The following TENM1 variants were observed in gnomAD, a reference collection of about 807,000 sequenced individuals.
TENM1 encodes teneurin-1.
TENM1 carries 35 observed loss-of-function variants against 174.8 expected under a neutral mutation model. That is an observed-to-expected ratio of 0.20 (90% CI 0.15 to 0.27). TENM1 has a LOEUF of 0.27. Ranked by LOEUF, TENM1 falls within the 10% of genes least tolerant of loss-of-function variation. The pLI is 1.00. For synonymous variants in TENM1, 781 were observed against 798.7 expected, an observed-to-expected ratio of 0.98 and a Z score of 0.37; for missense variants, 1,633 against 2,130.1, an observed-to-expected ratio of 0.77 and a Z score of 4.59.
In TENM1 at chrX:124,889,330, A is replaced by G. The variant is rs180742766; in HGVS notation, c.535+4966T>C. 4.9e-4 allele frequency among the ~76,000 whole-genome samples: 55 copies of G among 111,516 alleles called. No homozygotes were observed. The East Asian group carries it at 0.013, about 27-fold the overall frequency. On this transcript the variant is annotated intron_variant, in intron 3 of 31. Coordinates refer to ENST00000422452, the Ensembl canonical transcript of TENM1. ...GAGAAAATTATTCTGTCTCCTTGGA[A>G]TTTAGAAATGGCACTAAAAAAAATC...
At chrX:124,529,806 C>T in intron 16 of TENM1, 58 bp downstream of exon 19, 4 of 1,201,994 alleles carry the variant, frequency 3.3e-6, no homozygotes, top group Non-Finnish European at 4.5e-6. Flanking sequence ...CCTGGTTTTA[C>T]CCCTGGCTAG....
the TENM1 span, among the ~76,000 whole-genome samples, chrX:125,162,759 TAAGA>T: frequency 8.9e-6 from 1 of 111,826 alleles, no homozygotes; most frequent in South Asian, 3.7e-4. Flanking sequence ...ATTTTGAAGA[TAAGA>T]TGACTCCCAT....
At chrX:124,391,575 C>A (rs2060282673) in intron 28 of TENM1, among the ~76,000 whole-genome samples, 1 of 111,577 alleles carries the variant, frequency 9.0e-6, no homozygotes, top group African/African-American at 3.3e-5. Context: ...ACCACCATTC[C>A]CGCAGGCTGA....
At chrX:124,590,721 GGTAGA>G (rs2049714284) in intron 11 of TENM1, among the ~76,000 whole-genome samples, 1 of 111,784 alleles carries the variant, frequency 8.9e-6, no homozygotes, top group African/African-American at 3.2e-5. Context: ...GTTTTTGATG[GGTAGA>G]GTATTCTGTA....
the TENM1 span, among the ~76,000 whole-genome samples, chrX:125,148,294 CTTAAT>C: frequency 1.8e-5 from 2 of 110,638 alleles, no homozygotes; most frequent in African/African-American, 6.6e-5. Flanking sequence ...TTCTCCCTTT[CTTAAT>C]TTATCTCTCT....
chrX:124,583,581 G>A (rs2049394503), intron 11 of TENM1, among the ~76,000 whole-genome samples: 1 of 110,534 alleles, frequency 9.0e-6, no homozygotes, highest in South Asian at 3.9e-4. Flanking sequence ...CCACAAAGAT[G>A]GGGAAAAAAC....
chrX:124,975,789 C>T, the TENM1 span, among the ~76,000 whole-genome samples: 2 of 111,775 alleles, frequency 1.8e-5, no homozygotes, highest in South Asian at 3.7e-4. Flanking sequence ...CAATGATTGT[C>T]GGGACTTGTA....
intron 11 of TENM1, among the ~76,000 whole-genome samples, chrX:124,591,904 A>G (rs905906209): frequency 1.8e-5 from 2 of 112,084 alleles, no homozygotes; most frequent in African/African-American, 6.5e-5. Context: ...TTTCTCAAAT[A>G]CTTTGTTCAT....
chrX:124,576,454 A>G (rs2049168758), intron 11 of TENM1, among the ~76,000 whole-genome samples: 1 of 112,067 alleles, frequency 8.9e-6, no homozygotes, highest in African/African-American at 3.2e-5. Context: ...GTTTATCTAC[A>G]GCTTTTCACT....
At chrX:124,947,910 C>T (rs141125490) in intron 1 of TENM1, among the ~76,000 whole-genome samples, 2 of 112,258 alleles carry the variant, frequency 1.8e-5, no homozygotes, top group East Asian at 5.6e-4. Flanking sequence ...CTTTCATTCT[C>T]ACTCTGAGTA....
At chrX:125,051,355 T>C in the TENM1 span, among the ~76,000 whole-genome samples, 4 of 109,754 alleles carry the variant, frequency 3.6e-5, no homozygotes, top group African/African-American at 1.3e-4. Context: ...TTAAAGTTCA[T>C]ATGGAACCAA....
chrX:124,587,386 A>G (rs939147499), intron 11 of TENM1, among the ~76,000 whole-genome samples: 6 of 107,439 alleles, frequency 5.6e-5, no homozygotes, highest in Non-Finnish European at 5.8e-5. Context: ...ATAATGCCAC[A>G]TATCTACAAC....
At chrX:124,702,393 C>A (rs2052796914) in intron 5 of TENM1, among the ~76,000 whole-genome samples, 2 of 111,339 alleles carry the variant, frequency 1.8e-5, no homozygotes, top group Non-Finnish European at 3.8e-5. Flanking sequence ...CCAGTGTTTG[C>A]CATAAACATC....
intron 3 of TENM1, among the ~76,000 whole-genome samples, chrX:124,821,519 G>A (rs1389769865): frequency 8.9e-6 from 1 of 112,431 alleles, no homozygotes; most frequent in Non-Finnish European, 1.9e-5. Flanking sequence ...TATTTGAAAT[G>A]TTGAAATGAA....
At chrX:124,379,494 G>C (rs1400654215) in exon 32 of TENM1, 2 of 112,184 alleles carry the variant, frequency 1.8e-5, no homozygotes, top group Non-Finnish European at 3.8e-5. Flanking sequence ...TTTCACTTAA[G>C]TACCAGGTCT....
chrX:125,088,541 A>G, the TENM1 span, among the ~76,000 whole-genome samples: 1 of 111,537 alleles, frequency 9.0e-6, no homozygotes, highest in Non-Finnish European at 1.9e-5. Flanking sequence ...ATTTTTTGAA[A>G]ATCTAAAATT....
chrX:124,725,959 C>T (rs7055576), intron 4 of TENM1, among the ~76,000 whole-genome samples: 1,318 of 112,214 alleles, frequency 0.012, 21 homozygotes, highest in African/African-American at 0.04. Context: ...TGTGTTCTCT[C>T]TTGTTCAAAA....
At chrX:124,871,602 T>C (rs1003629809) in intron 3 of TENM1, among the ~76,000 whole-genome samples, 1 of 111,729 alleles carries the variant, frequency 9.0e-6, no homozygotes, top group African/African-American at 3.3e-5. Flanking sequence ...TAATTGAAAA[T>C]GGATGTCAGA....
chrX:124,557,753 T>C (rs2148149682), intron 14 of TENM1, among the ~76,000 whole-genome samples: 1 of 111,933 alleles, frequency 8.9e-6, no homozygotes, highest in South Asian at 3.7e-4. Context: ...ATCATAGCTT[T>C]CAAATATGCC....
Sources: allele counts gnomAD v4.1 joint callset (sites outside exome capture counted in the v4.1 genomes callset), GRCh38; gene constraint gnomAD v4.1.1; transcripts MANE v1.5; gene names NCBI Gene and HGNC (gene_info 2026-07-23, HGNC 2026-07-21).